Variants in AP3B2 observed in about 807,000 individuals in gnomAD.
The protein encoded by AP3B2 is adaptor related protein complex 3 subunit beta 2.
Under a neutral mutation model 126.9 loss-of-function variants are expected in AP3B2, and 50 were observed. The observed-to-expected ratio is 0.39, with a 90% CI of 0.31 to 0.50. AP3B2 has a LOEUF of 0.50. Among genes scored for constraint, AP3B2 ranks in the 20% least tolerant of loss-of-function variants. The pLI is 0.79. For synonymous variants in AP3B2, 541 were observed against 565.0 expected (o/e 0.96, Z 0.60); for missense variants, 1,177 against 1,426.4 (o/e 0.83, Z 2.82).
chr15:82,659,503 G>C lies in AP3B2; in HGVS notation c.*57C>G. 1 of 1,591,022 alleles carries C rather than the reference G, an allele frequency of 6.3e-7. No homozygotes were observed. The highest frequency in any genetic ancestry group is 1.7e-5 in the Admixed American group (1 of 59,702). ...GAGAGAAAGATGAGAGAGACTGACA[G>C]CCTAGGTGTCATGGGGAGGTATAGA... On this transcript the variant is annotated 3_prime_UTR_variant, in exon 27 of 27. Coordinates refer to ENST00000535359, the MANE Select transcript of AP3B2 (RefSeq NM_001278512.2).
intron 25 of AP3B2, among the ~76,000 whole-genome samples, chr15:82,660,332 C>A (rs1305367350): frequency 6.6e-6 from 1 of 152,172 alleles, no homozygotes; most frequent in South Asian, 2.1e-4. Context: ...ACCCTTTGAT[C>A]TTTCCTGGGG....
At chr15:82,690,553 T>C (rs2048509800) in intron 1 of AP3B2, among the ~76,000 whole-genome samples, 1 of 152,030 alleles carries the variant, frequency 6.6e-6, no homozygotes, top group Non-Finnish European at 1.5e-5. Context: ...GGTTTCCAGC[T>C]TCATCCATGT....
rs1028746770 is a variant in AP3B2, at chr15:82,665,969, G to C, written c.1853-394C>G. ...GGATCAGAGTTGAGGCACTGCTGGAGGAGGGCAGCACAGGCCTGTGAGTGA... is the reference window on the plus strand; with the variant it reads ...GGATCAGAGTTGAGGCACTGCTGGACGAGGGCAGCACAGGCCTGTGAGTGA... On this transcript the variant is annotated intron_variant, in intron 15 of 26. Coordinates refer to ENST00000535359, the MANE Select transcript of AP3B2 (RefSeq NM_001278512.2). This position sits in a 1 kb window ranked among gnomAD's most constrained non-coding sequence, Gnocchi z 4.4. Among the ~76,000 whole-genome samples, 1 of 152,204 alleles carries C rather than the reference G, an allele frequency of 6.6e-6. No individual in the cohort carries two copies. Among genetic ancestry groups the C allele is most frequent in the African/African-American group, 2.4e-5 (1 of 41,452 alleles).
At position 82,662,741 on chromosome 15, in the gene AP3B2, G is replaced by A. The variant is rs1044876442; in HGVS notation, c.2786C>T (p.Thr929Ile). 6.2e-7 allele frequency: 1 copy of A among 1,613,920 alleles called. No individual in the cohort carries two copies. The highest frequency in any genetic ancestry group is 8.5e-7 in the Non-Finnish European group (1 of 1,179,862). ...GCTGATGCCAGCAGGCAGTTTGGGA[G>A]TGCCCACATGCAGGCCCTTGATGGG... ...DTPIKGLHVG[T>I]PKLPAGISIQ... The change falls in exon 23 of 27, where the codon ACT (threonine) becomes ATT (isoleucine). Residue 929 changes from threonine to isoleucine, a missense_variant. Around this residue, in one of 5 missense-constraint regions of AP3B2, gnomAD observed 587 missense variants for 571.3 expected, o/e 1.03. Transcript: ENST00000535359.
In AP3B2 at chr15:82,666,740, C is replaced by T. The variant is rs1191927129; in HGVS notation, c.1852+7G>A. ...CTAGGAAGGTTACCCTTGATTTCAG[C>T]TCCCACCTTTGAAGGATGACTCCAA... On this transcript the variant is annotated splice_region_variant and intron_variant, in intron 15 of 26. Coordinates refer to ENST00000535359, the MANE Select transcript of AP3B2 (RefSeq NM_001278512.2). 11 of 1,612,124 alleles carry T rather than the reference C, an allele frequency of 6.8e-6. No homozygotes were observed. Among genetic ancestry groups the T allele is most frequent in the African/African-American group, 2.7e-5 (2 of 74,896 alleles).
chr15:82,690,460 G>A (rs2048508216), intron 1 of AP3B2, among the ~76,000 whole-genome samples: 1 of 151,304 alleles, frequency 6.6e-6, no homozygotes, highest in Non-Finnish European at 1.5e-5. Context: ...GTGTTCAAGT[G>A]TTCTCATTGT....
In AP3B2 at chr15:82,665,520, T is replaced by A. The variant is rs745322714; in HGVS notation, c.1908A>T (p.Thr636=). Residue 636 remains threonine (T), a synonymous_variant, in exon 16 of 27, where the codon ACA becomes ACT. Coordinates refer to ENST00000535359, the MANE Select transcript of AP3B2 (RefSeq NM_001278512.2). The surrounding 1 kb of genome is among the most constrained non-coding windows in gnomAD (Gnocchi z 4.4). The part of the protein sequence containing the change: ...SLSHLLNAKA[T]GYQELPDWPE... ...GCCAGTCTGGGAGCTCCTGGTAGCC[T>A]GTGGCCTTGGCATTAAGCAGGTGGG... The A allele has an allele frequency of 1.2e-6, 2 of 1,613,946 alleles. No individual in the cohort carries two copies. The highest frequency in any genetic ancestry group is 1.7e-6 in the Non-Finnish European group (2 of 1,179,876).
chr15:82,683,131 T>C (rs1222241270), intron 4 of AP3B2, among the ~76,000 whole-genome samples: 1 of 129,362 alleles, frequency 7.7e-6, no homozygotes, highest in African/African-American at 2.9e-5. Flanking sequence ...AGATCTCGGG[T>C]CACTGCAAGC....
chr15:82,700,251 T>C (rs1301124542), intron 1 of AP3B2, among the ~76,000 whole-genome samples: 1 of 151,886 alleles, frequency 6.6e-6, no homozygotes, highest in Admixed American at 6.6e-5. Context: ...ACTTGATTTA[T>C]TCCTTCCCAT....
Position 82,680,444 on chromosome 15 carries a change from AG to A in AP3B2, c.1055+27del. On this transcript the variant is annotated intron_variant, in intron 8 of 26. Transcript: ENST00000535359. The surrounding 1 kb of genome is among the most constrained non-coding windows in gnomAD (Gnocchi z 6.1). ...CGTGGGGCGGGGCAGGAGGCGAGGG[AG>A]GGGGCGGGGCTGGGGGCGGAGCGCA... 1 of 805,398 alleles carries A rather than the reference AG, an allele frequency of 1.2e-6. No individual in the cohort carries two copies. The highest frequency in any genetic ancestry group is 1.5e-6 in the Non-Finnish European group (1 of 671,018). 49.9% of individuals were successfully genotyped at this position (805,398 alleles called of 1,614,324 possible).
Position 82,680,491 on chromosome 15 carries a change from G to A in AP3B2, c.1036C>T (p.Arg346Cys). 6.6e-7 allele frequency: 1 copy of A among 1,512,346 alleles called. No individual in the cohort carries two copies. Among genetic ancestry groups the A allele is most frequent in the South Asian group, 1.2e-5 (1 of 82,014 alleles). The allele number at this position is 1,512,346 out of a possible 1,614,324, so 93.7% of individuals were successfully genotyped here. Reference sequence around the variant, plus strand: ...GCGCACCTGTGGCTGCGCAGCAGGCGCACCAGCGCCTTGGCGATGACGCCC... The same window carrying A: ...GCGCACCTGTGGCTGCGCAGCAGGCACACCAGCGCCTTGGCGATGACGCCC... ...EVGVIAKALV[R>C]LLRSHSEVQY... Residue 346 changes from arginine (R) to cysteine (C), a missense_variant, in exon 8 of 27, where the codon CGC (arginine) becomes TGC (cysteine). By Grantham distance (180) the Arg-to-Cys change is radical (BLOSUM62 -3). Transcript: ENST00000535359. This position sits in a 1 kb window ranked among gnomAD's most constrained non-coding sequence, Gnocchi z 6.1.
chr15:82,708,798 G>A lies in AP3B2; in HGVS notation c.113+796C>T, dbSNP rs548266366. ...TCACGCTCCTGTCTTCCTTCTCTCC[G>A]GCGCCAGAGACTAGGTCCTCTCCCT... is the stretch of plus-strand genomic sequence containing the variant. On this transcript the variant is annotated intron_variant, in intron 1 of 26. Coordinates refer to ENST00000535359, the MANE Select transcript of AP3B2 (RefSeq NM_001278512.2). 5.0e-4 allele frequency: 77 copies of A among 152,478 alleles called. 2 individuals are homozygous for A. The highest frequency in any genetic ancestry group is 4.5e-3 in the Admixed American group (69 of 15,274). The allele number at this position is 152,478 out of a possible 1,614,324, so 9.4% of individuals were successfully genotyped here.
intron 14 of AP3B2, 120 bp downstream of exon 14, chr15:82,676,341 T>G: frequency 9.2e-7 from 1 of 1,085,522 alleles, no homozygotes. Context: ...CCACCTTCCC[T>G]GATTCTTCTT....
At chr15:82,700,690 C>T (rs888689362) in intron 1 of AP3B2, among the ~76,000 whole-genome samples, 8 of 150,598 alleles carry the variant, frequency 5.3e-5, no homozygotes, top group Non-Finnish European at 1.2e-4. Flanking sequence ...TGAGCCACCG[C>T]GCCTGGCCTG....
chr15:82,685,197 T>C (rs1028818235), intron 4 of AP3B2: 2 of 152,158 alleles, frequency 1.3e-5, no homozygotes, highest in African/African-American at 4.8e-5. Flanking sequence ...ATAATAATCA[T>C]TAAAAAGTTT....
intron 1 of AP3B2, among the ~76,000 whole-genome samples, chr15:82,705,932 C>T (rs923085271): frequency 1.3e-5 from 2 of 152,122 alleles, no homozygotes; most frequent in African/African-American, 2.4e-5. Flanking sequence ...TAAAAACAGC[C>T]GTAGAAGCTG....
chr15:82,661,971 C>T, intron 24 of AP3B2, 49 bp from the exon 25 acceptor site: 1 of 1,519,116 alleles, frequency 6.6e-7, no homozygotes, highest in Non-Finnish European at 9.1e-7. Context: ...GTCATCTCTC[C>T]CCTCACTTCC....
At chr15:82,688,969 G>A in intron 3 of AP3B2, 138 bp from the exon 4 acceptor site, 1 of 983,358 alleles carries the variant, frequency 1.0e-6, no homozygotes, top group African/African-American at 1.6e-5. Context: ...GCACCCCTGA[G>A]TGTATCCGGG....
chr15:82,691,969 G>A lies in AP3B2; in HGVS notation c.114-2516C>T, dbSNP rs192558220. On this transcript the variant is annotated intron_variant, in intron 1 of 26. Transcript: ENST00000535359. Reference sequence around the variant, plus strand: ...TCCCCACACCGTCCTTCTGCACATCGGCATAACAGACATCCCCAACTTCTC... The same window carrying A: ...TCCCCACACCGTCCTTCTGCACATCAGCATAACAGACATCCCCAACTTCTC... The A allele has an allele frequency of 1.1e-4, 156 of 1,430,746 alleles. 1 individual carries two copies. In the South Asian group the frequency reaches 1.6e-3, roughly 15 times the overall value. 88.6% of individuals were successfully genotyped at this position (1,430,746 alleles called of 1,614,324 possible).
Sources: allele counts gnomAD v4.1 joint callset (sites outside exome capture counted in the v4.1 genomes callset), GRCh38; gene constraint gnomAD v4.1.1; regional missense constraint gnomAD v4.1.1; non-coding constraint Gnocchi (gnomAD v3.1); transcripts MANE v1.5; gene names NCBI Gene and HGNC (gene_info 2026-07-23, HGNC 2026-07-21).